Variants in COMP observed in about 807,000 individuals in gnomAD.
The protein encoded by COMP is cartilage oligomeric matrix protein (pseudoachondroplasia, epiphyseal dysplasia 1, multiple).
COMP carries 79 observed loss-of-function variants against 95.8 expected under a neutral mutation model. That is an observed-to-expected ratio of 0.82 (90% CI 0.69 to 0.99). COMP has a LOEUF of 0.99. Ranked by LOEUF, COMP falls within the 50% of genes least tolerant of loss-of-function variation. COMP has a pLI of 0.00. For missense variants in COMP, 906 were observed against 1,076.1 expected (o/e 0.84, Z 2.21); for synonymous variants, 438 against 433.9 (o/e 1.01, Z -0.12).
In COMP at chr19:18,790,193, G is replaced by C. The variant is rs894891223; in HGVS notation, c.218-79C>G. 62 of 1,130,486 alleles carry C rather than the reference G, an allele frequency of 5.5e-5. No individual in the cohort carries two copies. The Admixed American group carries it at 1.6e-3, about 29-fold the overall frequency. The allele number at this position is 1,130,486 out of a possible 1,614,324, so 70.0% of individuals were successfully genotyped here. A position where few individuals can be genotyped will look rare whatever the true frequency, so the allele number is the denominator to read the frequency against. ...GCAGAGCCTATCATGGCCACGCCCC[G>C]GGGCTGGAGGCTTCCCCTTCCCCCC... On this transcript the variant is annotated intron_variant, in intron 3 of 18. Coordinates refer to ENST00000222271, the MANE Select transcript of COMP (RefSeq NM_000095.3).
Position 18,789,791 on chromosome 19 carries a change from C to A in COMP, c.390+151G>T. ...GGTCCTTGGGTTGGGCGTCCCCCCG[C>A]GGTAAGGAGGTAGTCTGGCCGTGCG... On this transcript the variant is annotated intron_variant, in intron 4 of 18. Transcript: ENST00000222271. The surrounding 1 kb of genome is among the most constrained non-coding windows in gnomAD (Gnocchi z 6.1). 9.9e-7 allele frequency: 1 copy of A among 1,010,572 alleles called. No homozygotes were observed. Among genetic ancestry groups the A allele is most frequent in the Non-Finnish European group, 1.5e-6 (1 of 672,630 alleles). The allele number at this position is 1,010,572 out of a possible 1,614,324, so 62.6% of individuals were successfully genotyped here. A position where few individuals can be genotyped will look rare whatever the true frequency, so the allele number is the denominator to read the frequency against.
At chr19:18,786,725 T>A in intron 10 of COMP, 75 bp from the exon 11 acceptor site, 1 of 896,234 alleles carries the variant, frequency 1.1e-6, no homozygotes, top group African/African-American at 1.8e-5. Flanking sequence ...GAGGCCAGCC[T>A]GAGGCTGGCC....
rs1307437812 is a variant in COMP at position 18,782,859 on chromosome 19, C to T, written c.*56G>A. ...CCACCCCTTGGGGCTGGGTGCAGAGCCCCCATCCAGCCGCGGTGAGGGTGG... is the reference window on the plus strand; with the variant it reads ...CCACCCCTTGGGGCTGGGTGCAGAGTCCCCATCCAGCCGCGGTGAGGGTGG... On this transcript the variant is annotated 3_prime_UTR_variant, in exon 19 of 19. Coordinates refer to ENST00000222271, the MANE Select transcript of COMP (RefSeq NM_000095.3). 3 of 1,594,638 alleles carry T rather than the reference C, an allele frequency of 1.9e-6. No homozygotes were observed. Among genetic ancestry groups the T allele is most frequent in the Non-Finnish European group, 1.7e-6 (2 of 1,170,688 alleles).
rs202228058 is a variant in COMP at position 18,784,912 on chromosome 19, G to A, written c.1898C>T (p.Pro633Leu). ...CCCTGGCACCTTGAGTTGGATGCCA[G>A]GCTCGGCCACAGCACGGAAGGGGTT... Reference protein sequence around the residue: ...QANPFRAVAEPGIQLKAVKSS... With the variant: ...QANPFRAVAELGIQLKAVKSS... Residue 633 changes from proline to leucine, a missense_variant, in exon 16 of 19, where the codon CCT becomes CTT. By Grantham distance (98) the Pro-to-Leu change is moderately conservative. Coordinates refer to ENST00000222271, the MANE Select transcript of COMP (RefSeq NM_000095.3). This position sits in a 1 kb window ranked among gnomAD's most constrained non-coding sequence, Gnocchi z 4.9. 6.2e-7 allele frequency: 1 copy of A among 1,613,894 alleles called. No homozygotes were observed. Among genetic ancestry groups the A allele is most frequent in the Non-Finnish European group, 8.5e-7 (1 of 1,179,960 alleles).
At position 18,788,310 on chromosome 19, in the gene COMP, C is replaced by A; in HGVS notation, c.877G>T (p.Val293Leu). The A allele has an allele frequency of 6.2e-7, 1 of 1,611,806 alleles. No individual in the cohort carries two copies. Among genetic ancestry groups the A allele is most frequent in the Non-Finnish European group, 8.5e-7 (1 of 1,179,786 alleles). Residue 293 changes from valine (V) to leucine (L), a missense_variant, in exon 9 of 19, where the codon GTG becomes TTG. Val to Leu is a conservative substitution (Grantham distance 32). Coordinates refer to ENST00000222271, the MANE Select transcript of COMP (RefSeq NM_000095.3). This position sits in a 1 kb window ranked among gnomAD's most constrained non-coding sequence, Gnocchi z 4.7. ...TCCTGCCCTGAGTTGGGCACAGTCA[C>A]GCAGTTGTCCTGGGGGCGGGCACAG... is the stretch of plus-strand genomic sequence containing the variant. ...PERQCRKDNC[V>L]TVPNSGQEDV...
Position 18,788,509 on chromosome 19 carries a change from G to A in COMP, c.768C>T (p.Ala256=), listed in dbSNP as rs369897902. The A allele has an allele frequency of 2.5e-6, 4 of 1,602,308 alleles. No homozygotes were observed. The highest frequency in any genetic ancestry group is 1.1e-5 in the South Asian group (1 of 89,676). ...ERDGSRSCVC[A]VGWAGNGILC... The stretch of plus-strand genomic sequence containing the variant: ...GGATCCCGTTGCCGGCCCAGCCAAC[G>A]GCACACTGTGGGAGAGTGTAAGTGG... Residue 256 remains alanine, a synonymous_variant, in exon 8 of 19, where the codon GCC becomes GCT. Coordinates refer to ENST00000222271, the MANE Select transcript of COMP (RefSeq NM_000095.3). The surrounding 1 kb of genome is among the most constrained non-coding windows in gnomAD (Gnocchi z 4.7).
intron 2 of COMP, 21 bp downstream of exon 2, chr19:18,790,829 C>G: frequency 6.4e-7 from 1 of 1,554,220 alleles, no homozygotes; most frequent in Non-Finnish European, 8.7e-7. Flanking sequence ...GCACTCCCTG[C>G]CCCGCACCCG....
At position 18,791,212 on chromosome 19, in the gene COMP, C is replaced by G; in HGVS notation, c.58G>C (p.Gly20Arg). ...TTACCCAACGGGCTCTGGCCCTGTC[C>G]GGACGCGCCGAGGGCAGCCAGGGTG... Reference protein sequence around the residue: ...LLTLAALGASGQGQSPLGSDL... With the variant: ...LLTLAALGASRQGQSPLGSDL... The change falls in exon 1 of 19, where the codon GGA (glycine) becomes CGA (arginine). Residue 20 changes from glycine (G) to arginine (R), a missense_variant. Physicochemically the swap from Gly to Arg is moderately radical, Grantham distance 125 (BLOSUM62 -2). Coordinates refer to ENST00000222271, the MANE Select transcript of COMP (RefSeq NM_000095.3). 1 of 1,592,264 alleles carries G rather than the reference C, an allele frequency of 6.3e-7. No individual in the cohort carries two copies. Among genetic ancestry groups the G allele is most frequent in the East Asian group, 2.3e-5 (1 of 44,080 alleles).
At position 18,790,790 on chromosome 19, in the gene COMP, T is replaced by A. The variant is rs1009141398; in HGVS notation, c.165+60A>T. On this transcript the variant is annotated intron_variant, in intron 2 of 18. Coordinates refer to ENST00000222271, the MANE Select transcript of COMP (RefSeq NM_000095.3). ...TCTCGGGTACTTCCTCTCTCCTCGC[T>A]GGGAACTGAGACCCCCTTCCGTTCC... is the stretch of plus-strand genomic sequence containing the variant. 5.1e-6 allele frequency: 8 copies of A among 1,569,952 alleles called. No individual in the cohort carries two copies. In the African/African-American group the frequency reaches 1.1e-4, roughly 21 times the overall value.
intron 9 of COMP, 66 bp from the exon 10 acceptor site, chr19:18,787,716 C>A: frequency 1.3e-6 from 2 of 1,598,826 alleles, no homozygotes; most frequent in South Asian, 2.2e-5. Flanking sequence ...TCCTCAGATT[C>A]CCAAATCTCC....
intron 14 of COMP, 43 bp from the exon 15 acceptor site, chr19:18,785,589 A>G (rs780780400): frequency 6.2e-7 from 1 of 1,613,908 alleles, no homozygotes; most frequent in Non-Finnish European, 8.5e-7. Context: ...TGGCCGTGAC[A>G]GCCCTAGGCA....
In COMP at chr19:18,784,197, T is replaced by G. The variant is rs146374758; in HGVS notation, c.2081A>C (p.Tyr694Ser). ...CAGAGGGTGGAGTCCCCACCTGATG[T>G]AGCCCACTTGGGGCCGGTGCTGCAG... ...WFLQHRPQVG[Y>S]IRVRFYEGPE... is the part of the protein sequence containing the mutation. The change falls in exon 17 of 19, where the codon TAC (tyrosine) becomes TCC (serine). Residue 694 changes from tyrosine to serine, a missense_variant. Tyr to Ser is a moderately radical substitution (Grantham distance 144). Coordinates refer to ENST00000222271, the MANE Select transcript of COMP (RefSeq NM_000095.3). The surrounding 1 kb of genome is among the most constrained non-coding windows in gnomAD (Gnocchi z 4.9). The G allele has an allele frequency of 1.2e-5, 19 of 1,613,556 alleles. No homozygotes were observed. Among genetic ancestry groups the G allele is most frequent in the Non-Finnish European group, 1.6e-5 (19 of 1,180,020 alleles).
chr19:18,785,203 C>T, intron 15 of COMP, 111 bp from the exon 16 acceptor site: 2 of 1,079,246 alleles, frequency 1.9e-6, no homozygotes, highest in Non-Finnish European at 2.8e-6. Context: ...TGCAGACCTG[C>T]ACCATTCCCA....
At chr19:18,785,317 T>C (rs113138432) in intron 15 of COMP, among the ~76,000 whole-genome samples, 181 bp downstream of exon 15, 1 of 108,164 alleles carries the variant, frequency 9.2e-6, no homozygotes, top group African/African-American at 3.6e-5. Flanking sequence ...GCCCCTCCTC[T>C]GGCCCCGCGC....
rs2055136727 is a variant in COMP at position 18,783,105 on chromosome 19, A to C, written c.2176T>G (p.Cys726Gly). 2 of 1,611,736 alleles carry C rather than the reference A, an allele frequency of 1.2e-6. No homozygotes were observed. The highest frequency in any genetic ancestry group is 2.2e-5 in the South Asian group (2 of 91,094). The change falls in exon 18 of 19, where the codon TGC becomes GGC. Residue 726 changes from cysteine (C) to glycine (G), a missense_variant. By Grantham distance (159) the Cys-to-Gly change is radical. Coordinates refer to ENST00000222271, the MANE Select transcript of COMP (RefSeq NM_000095.3). ...TMRGGRLGVFCFSQENIIWAN... is the reference protein window; with the variant it reads ...TMRGGRLGVFGFSQENIIWAN... ...CAGATGATGTTCTCCTGGGAGAAGC[A>C]GAAGACCCCCAGGCGGCCACCCCGC...
rs1174562175 is a variant in COMP at position 18,784,995 on chromosome 19, G to C, written c.1815C>G (p.Asp605Glu). The change falls in exon 16 of 19, where the codon GAC becomes GAG. Residue 605 changes from aspartate to glutamate, a missense_variant. Transcript: ENST00000222271. This position sits in a 1 kb window ranked among gnomAD's most constrained non-coding sequence, Gnocchi z 4.9. Reference protein sequence around the residue: ...DYAGFIFGYQDSSSFYVVMWK... With the variant: ...DYAGFIFGYQESSSFYVVMWK... ...ACATGACCACGTAGAAGCTGGAGCT[G>C]TCCTGGTAGCCAAAGATGAAGCCCG... 1.9e-6 allele frequency: 3 copies of C among 1,613,996 alleles called. No individual in the cohort carries two copies.
chr19:18,788,467 A>G lies in COMP; in HGVS notation c.810T>C (p.Thr270=). 1 of 1,596,314 alleles carries G rather than the reference A, an allele frequency of 6.3e-7. No individual in the cohort carries two copies. Among genetic ancestry groups the G allele is most frequent in the South Asian group, 1.1e-5 (1 of 90,470 alleles). ...AGNGILCGRD[T]DLDGFPDEKL... ...TCTCGTCCGGGAAGCCGTCTAGGTC[A>G]GTGTCGCGACCACAGAGGATCCCGT... Residue 270 remains threonine (T), a synonymous_variant, in exon 8 of 19, where the codon ACT becomes ACC. Transcript: ENST00000222271. This position sits in a 1 kb window ranked among gnomAD's most constrained non-coding sequence, Gnocchi z 4.7.
rs1327361020 is a variant in COMP, at chr19:18,788,328, G to A, written c.868-9C>T. The A allele has an allele frequency of 1.9e-6, 3 of 1,609,788 alleles. No individual in the cohort carries two copies. Among genetic ancestry groups the A allele is most frequent in the Admixed American group, 1.7e-5 (1 of 59,994 alleles). On this transcript the variant is annotated splice_polypyrimidine_tract_variant and intron_variant, in intron 8 of 18. Transcript: ENST00000222271. This position sits in a 1 kb window ranked among gnomAD's most constrained non-coding sequence, Gnocchi z 4.7. ...ACAGTCACGCAGTTGTCCTGGGGGC[G>A]GGCACAGAAGGTGTGAGGGGCGCGG...
Position 18,784,066 on chromosome 19 carries a change from G to T in COMP, c.2087+125C>A. 2 of 1,096,578 alleles carry T rather than the reference G, an allele frequency of 1.8e-6. No homozygotes were observed. The highest frequency in any genetic ancestry group is 2.8e-6 in the Non-Finnish European group (2 of 726,310). 67.9% of individuals were successfully genotyped at this position (1,096,578 alleles called of 1,614,324 possible). ...GGACCAGCATAGGCTCATTCTAACT[G>T]CCCTGTATCTTTCCTATCGTACAGA... On this transcript the variant is annotated intron_variant, in intron 17 of 18. Transcript: ENST00000222271. The surrounding 1 kb of genome is among the most constrained non-coding windows in gnomAD (Gnocchi z 4.9).
Sources: allele counts gnomAD v4.1 joint callset (sites outside exome capture counted in the v4.1 genomes callset), GRCh38; gene constraint gnomAD v4.1.1; non-coding constraint Gnocchi (gnomAD v3.1); transcripts MANE v1.5; gene names NCBI Gene and HGNC (gene_info 2026-07-23, HGNC 2026-07-21).